Variants in ATP13A3 observed in about 807,000 individuals in gnomAD.
ATP13A3 encodes the protein ATPase 13A3.
A neutral mutation model predicts 158.1 loss-of-function variants in ATP13A3; 59 were observed. That is an observed-to-expected ratio of 0.37 (90% CI 0.30 to 0.46). The LOEUF (loss-of-function observed/expected upper bound fraction) is 0.46. Ranked by LOEUF, ATP13A3 falls within the 20% of genes least tolerant of loss-of-function variation. The probability of loss-of-function intolerance (pLI) is 1.00; values close to 1 mark genes in which losing one functional copy is unlikely to be tolerated. For missense variants in ATP13A3, 1,166 were observed against 1,525.2 expected, an observed-to-expected ratio of 0.76 and a Z score of 3.92; for synonymous variants, 491 against 504.3, an observed-to-expected ratio of 0.97 and a Z score of 0.35.
intron 2 of ATP13A3, among the ~76,000 whole-genome samples, chr3:194,474,919 GCTAAGA>G (rs1274220231): frequency 6.6e-6 from 1 of 152,184 alleles, no homozygotes; most frequent in Admixed American, 6.5e-5. Flanking sequence ...GTGCACTGTT[GCTAAGA>G]CTATGTTGAG....
chr3:194,437,710 A>G, intron 17 of ATP13A3, 137 bp from the exon 18 acceptor site: 1 of 896,212 alleles, frequency 1.1e-6, no homozygotes, highest in Non-Finnish European at 1.7e-6. Context: ...GTCAGGATTC[A>G]AGATTCCTTC....
Position 194,405,015 on chromosome 3 carries a change from T to C in ATP13A3, c.*904A>G, listed in dbSNP as rs980975043. 13 of 152,128 alleles carry C rather than the reference T, an allele frequency of 8.5e-5. No individual in the cohort carries two copies. The highest frequency in any genetic ancestry group is 1.9e-4 in the African/African-American group (8 of 41,418). The allele number at this position is 152,128 out of a possible 1,614,324, so 9.4% of individuals were successfully genotyped here. A position where few individuals can be genotyped will look rare whatever the true frequency, so the allele number is the denominator to read the frequency against. ...ACTATTATCCTATGTCTTTAGGTAA[T>C]TGAAAACATAGAAGAAAATTTTAAA... On this transcript the variant is annotated 3_prime_UTR_variant, in exon 34 of 34. Coordinates refer to ENST00000645319, the MANE Select transcript of ATP13A3 (RefSeq NM_001367549.1).
At chr3:194,471,504 C>A (rs1401623895) in intron 2 of ATP13A3, among the ~76,000 whole-genome samples, 1 of 152,000 alleles carries the variant, frequency 6.6e-6, no homozygotes, top group Non-Finnish European at 1.5e-5. Flanking sequence ...CAGGTGTGTA[C>A]CATCACGCCC....
chr3:194,474,751 C>T (rs1052502278), intron 2 of ATP13A3, among the ~76,000 whole-genome samples: 1 of 152,178 alleles, frequency 6.6e-6, no homozygotes, highest in Admixed American at 6.5e-5. Context: ...TTTAAACATT[C>T]ATGAATTCTC....
At chr3:194,424,906 G>A (rs536205476) in intron 30 of ATP13A3, among the ~76,000 whole-genome samples, 6 of 152,232 alleles carry the variant, frequency 3.9e-5, no homozygotes, top group South Asian at 2.1e-4. Flanking sequence ...TGCGCAGACC[G>A]CCCGGGAGGA....
chr3:194,423,132 G>C (rs1027361614), intron 30 of ATP13A3, among the ~76,000 whole-genome samples: 1 of 152,036 alleles, frequency 6.6e-6, no homozygotes, highest in African/African-American at 2.4e-5. Context: ...AGAGTGTTAA[G>C]AATTAAGTGC....
rs776132067 is a variant in ATP13A3, at chr3:194,453,782, A to G, written c.766-4T>C. 7 of 1,611,340 alleles carry G rather than the reference A, an allele frequency of 4.3e-6. No homozygotes were observed. The highest frequency in any genetic ancestry group is 5.9e-6 in the Non-Finnish European group (7 of 1,178,186). On this transcript the variant is annotated splice_region_variant and splice_polypyrimidine_tract_variant and intron_variant, in intron 9 of 33. Coordinates refer to ENST00000645319, the MANE Select transcript of ATP13A3 (RefSeq NM_001367549.1). Reference sequence around the variant, plus strand: ...TGTCATGCAACATAACATATTGCTGAAAGAGGAAAAAGAAGTTAGAAACTA... The same window carrying G: ...TGTCATGCAACATAACATATTGCTGGAAGAGGAAAAAGAAGTTAGAAACTA...
chr3:194,450,884 C>T (rs1438044010), intron 10 of ATP13A3: 1 of 151,964 alleles, frequency 6.6e-6, no homozygotes, highest in African/African-American at 2.4e-5. Flanking sequence ...TTTAGTGAAA[C>T]ACTTTTAAAA....
intron 10 of ATP13A3, chr3:194,450,497 C>T (rs961010413): frequency 4.1e-5 from 20 of 485,064 alleles, no homozygotes; most frequent in African/African-American, 2.9e-4. Flanking sequence ...AGCTGTGCAC[C>T]GGTGATGCCA....
chr3:194,421,153 A>ATATATATATACTATATATATAGTT (rs1716320783), intron 30 of ATP13A3, among the ~76,000 whole-genome samples: 7 of 4,104 alleles, frequency 1.7e-3, no homozygotes, highest in Non-Finnish European at 3.9e-3. Flanking sequence ...ATATATATAT[A>ATATATATATACTATATATATAGTT]TATATATATA....
upstream of ATP13A3, among the ~76,000 whole-genome samples, chr3:194,487,218 G>A (rs577556469): frequency 2.0e-5 from 3 of 152,254 alleles, no homozygotes; most frequent in Admixed American, 6.5e-5. Context: ...GTCAGCCCGG[G>A]GTGGCTAATG....
intron 21 of ATP13A3, 149 bp downstream of exon 21, chr3:194,433,623 T>C: frequency 1.0e-6 from 1 of 965,690 alleles, no homozygotes; most frequent in Non-Finnish European, 1.5e-6. Flanking sequence ...TATCTTGCGC[T>C]TGGGAAAATA....
chr3:194,465,331 AAG>A (rs2108994861), intron 2 of ATP13A3, among the ~76,000 whole-genome samples: 1 of 152,286 alleles, frequency 6.6e-6, no homozygotes, highest in East Asian at 1.9e-4. Context: ...AGATCACCAG[AAG>A]AGAGTCTGAC....
At chr3:194,452,692 T>G (rs1244518190) in intron 10 of ATP13A3, 1 of 152,088 alleles carries the variant, frequency 6.6e-6, no homozygotes, top group African/African-American at 2.4e-5. Context: ...AGAACCCTCT[T>G]CTCTCCTTCT....
At chr3:194,437,645 T>C (rs1481620154) in intron 17 of ATP13A3, 72 bp from the exon 18 acceptor site, 1 of 1,399,322 alleles carries the variant, frequency 7.1e-7, no homozygotes, top group Non-Finnish European at 9.7e-7. Flanking sequence ...AGAAAAAGTT[T>C]ACTAAGCATC....
At chr3:194,437,955 A>G (rs1717776017) in intron 17 of ATP13A3, among the ~76,000 whole-genome samples, 1 of 152,104 alleles carries the variant, frequency 6.6e-6, no homozygotes, top group Admixed American at 6.5e-5. Flanking sequence ...AGGGCAGGAG[A>G]TCGAGACCAG....
chr3:194,452,171 A>C (rs1184808805), intron 10 of ATP13A3: 1 of 152,268 alleles, frequency 6.6e-6, no homozygotes, highest in Non-Finnish European at 1.5e-5. Context: ...CCTGGCCAAC[A>C]AGGTTGACAC....
At chr3:194,476,161 A>C (rs1427841800) in intron 2 of ATP13A3, among the ~76,000 whole-genome samples, 1 of 152,132 alleles carries the variant, frequency 6.6e-6, no homozygotes, top group Non-Finnish European at 1.5e-5. Context: ...ACATTACACT[A>C]GCCTGGGTTG....
intron 8 of ATP13A3, among the ~76,000 whole-genome samples, chr3:194,454,881 A>C (rs1175168377): frequency 6.6e-6 from 1 of 152,180 alleles, no homozygotes; most frequent in East Asian, 1.9e-4. Flanking sequence ...TCATTAAAAT[A>C]CTAGAATTTG....
Sources: allele counts gnomAD v4.1 joint callset (sites outside exome capture counted in the v4.1 genomes callset), GRCh38; gene constraint gnomAD v4.1.1; transcripts MANE v1.5; gene names NCBI Gene and HGNC (gene_info 2026-07-23, HGNC 2026-07-21).